Variants in ST6GAL2 observed in about 807,000 individuals in gnomAD.
The protein encoded by ST6GAL2 is ST6 beta-galactoside alpha-2,6-sialyltransferase 2.
Under a neutral mutation model 37.5 loss-of-function variants are expected in ST6GAL2, and 24 were observed. That is an observed-to-expected ratio of 0.64 (90% CI 0.46 to 0.90). ST6GAL2 has a LOEUF of 0.90. ST6GAL2 is among the 40% of genes least tolerant of loss of function. ST6GAL2 has a pLI of 0.00. For synonymous variants in ST6GAL2, 306 were observed against 295.1 expected, an observed-to-expected ratio of 1.04 and a Z score of -0.38; for missense variants, 715 against 712.7, an observed-to-expected ratio of 1.00 and a Z score of -0.04.
At chr2:106,878,337 A>G (rs1678594495) in intron 1 of ST6GAL2, among the ~76,000 whole-genome samples, 1 of 152,080 alleles carries the variant, frequency 6.6e-6, no homozygotes, top group African/African-American at 2.4e-5. Context: ...GGTGGTGCCC[A>G]CCTGTAATCC....
Position 106,844,024 on chromosome 2 carries a change from G to T in ST6GAL2, c.-47C>A. 6.8e-7 allele frequency: 1 copy of T among 1,472,792 alleles called. No individual in the cohort carries two copies. The highest frequency in any genetic ancestry group is 9.1e-7 in the Non-Finnish European group (1 of 1,100,210). 91.2% of individuals were successfully genotyped at this position (1,472,792 alleles called of 1,614,324 possible). A position where few individuals can be genotyped will look rare whatever the true frequency, so the allele number is the denominator to read the frequency against. On this transcript the variant is annotated 5_prime_UTR_variant, in exon 2 of 6. Transcript: ENST00000409382. ...CCTTGTGTCTTAATGCAGATGGGTG[G>T]CAGAATGAACCTGAAAAACAGCCAG...
rs114761661 is a variant in ST6GAL2 at position 106,863,374 on chromosome 2, C to A, written c.-57-19340G>T. Reference sequence around the variant, plus strand: ...TTTGCTTCTTGAGTGTTTTGGAGTTCTGTAGCTAAACAGGATGCTGCAGAA... The same window carrying A: ...TTTGCTTCTTGAGTGTTTTGGAGTTATGTAGCTAAACAGGATGCTGCAGAA... On this transcript the variant is annotated intron_variant, in intron 1 of 5. Coordinates refer to ENST00000409382, the MANE Select transcript of ST6GAL2 (RefSeq NM_001142351.2). Among the ~76,000 whole-genome samples, 1,322 of 152,268 alleles carry A rather than the reference C, an allele frequency of 8.7e-3. 6 individuals carry two copies. Among genetic ancestry groups the A allele is most frequent in the Non-Finnish European group, 0.011 (743 of 68,020 alleles).
At chr2:106,811,445 T>G (rs773121022) in intron 5 of ST6GAL2, among the ~76,000 whole-genome samples, 5 of 152,142 alleles carry the variant, frequency 3.3e-5, no homozygotes, top group Non-Finnish European at 7.4e-5. Flanking sequence ...TAAGTGCTGT[T>G]TGAGGCCTCC....
chr2:106,832,455 A>G (rs777759872), intron 4 of ST6GAL2, 110 bp downstream of exon 4: 20 of 624,304 alleles, frequency 3.2e-5, no homozygotes, highest in Admixed American at 1.5e-4. Flanking sequence ...ATTGATATTG[A>G]TGGGTACTTT....
intron 1 of ST6GAL2, among the ~76,000 whole-genome samples, chr2:106,863,263 A>G (rs1677882004): frequency 6.6e-6 from 1 of 152,182 alleles, no homozygotes; most frequent in African/African-American, 2.4e-5. Flanking sequence ...AAAGGGACCG[A>G]AATACTTAAC....
intron 2 of ST6GAL2, among the ~76,000 whole-genome samples, chr2:106,837,869 A>C (rs1676712122): frequency 6.6e-6 from 1 of 152,206 alleles, no homozygotes; most frequent in African/African-American, 2.4e-5. Context: ...AAGATAACGC[A>C]GTGTAATTCC....
At chr2:106,836,551 G>A (rs1332888795) in intron 2 of ST6GAL2, among the ~76,000 whole-genome samples, 1 of 151,756 alleles carries the variant, frequency 6.6e-6, no homozygotes, top group African/African-American at 2.4e-5. Context: ...AAAACTATCA[G>A]CTAGGCATAG....
intron 2 of ST6GAL2, among the ~76,000 whole-genome samples, chr2:106,841,448 G>A (rs1676880413): frequency 1.3e-5 from 2 of 152,216 alleles, no homozygotes; most frequent in African/African-American, 2.4e-5. Context: ...TGAGGCTGAC[G>A]CTGTATTTGA....
intron 1 of ST6GAL2, among the ~76,000 whole-genome samples, chr2:106,853,008 T>C (rs1011102168): frequency 4.6e-5 from 7 of 152,320 alleles, no homozygotes; most frequent in Non-Finnish European, 8.8e-5. Context: ...TCCCTTCTGG[T>C]TTACTGTCCC....
chr2:106,851,523 C>T (rs1219031604), intron 1 of ST6GAL2, among the ~76,000 whole-genome samples: 1 of 152,200 alleles, frequency 6.6e-6, no homozygotes, highest in Non-Finnish European at 1.5e-5. Flanking sequence ...TACACTGCAG[C>T]TTAAGGTTAA....
chr2:106,879,564 C>T (rs1048902457), intron 1 of ST6GAL2, among the ~76,000 whole-genome samples: 1 of 151,818 alleles, frequency 6.6e-6, no homozygotes, highest in Non-Finnish European at 1.5e-5. Flanking sequence ...TTTAACTACC[C>T]TGTCACTCAG....
chr2:106,850,819 A>G (rs1259941840), intron 1 of ST6GAL2, among the ~76,000 whole-genome samples: 1 of 152,236 alleles, frequency 6.6e-6, no homozygotes, highest in Non-Finnish European at 1.5e-5. Flanking sequence ...CTGAAATATT[A>G]TAATTATACA....
At chr2:106,826,659 G>A (rs1178489929) in intron 5 of ST6GAL2, among the ~76,000 whole-genome samples, 1 of 152,106 alleles carries the variant, frequency 6.6e-6, no homozygotes, top group Non-Finnish European at 1.5e-5. Flanking sequence ...ACCAGGCCCA[G>A]GTGAATTGGG....
Position 106,843,553 on chromosome 2 carries a change from C to T in ST6GAL2, c.425G>A (p.Ser142Asn), listed in dbSNP as rs772211728. The T allele has an allele frequency of 1.9e-6, 3 of 1,614,002 alleles. No individual in the cohort carries two copies. The highest frequency in any genetic ancestry group is 2.5e-6 in the Non-Finnish European group (3 of 1,179,998). Residue 142 changes from serine (S) to asparagine (N), a missense_variant, in exon 2 of 6, where the codon AGC becomes AAC. By Grantham distance (46) the Ser-to-Asn change is conservative. Around this residue, in one of 3 missense-constraint regions of ST6GAL2, gnomAD observed 512 missense variants for 488.8 expected, o/e 1.05. Coordinates refer to ENST00000409382, the MANE Select transcript of ST6GAL2 (RefSeq NM_001142351.2). ...FFAAGQPGWH[S>N]HTQGTLGFPS... ...GAATCCCAATGTCCCCTGAGTGTGG[C>T]TGTGCCACCCTGGCTGACCAGCAGC...
intron 2 of ST6GAL2, among the ~76,000 whole-genome samples, chr2:106,841,614 G>C (rs996139756): frequency 6.6e-6 from 1 of 152,144 alleles, no homozygotes; most frequent in African/African-American, 2.4e-5. Flanking sequence ...GGGAGCAAAG[G>C]GATCTGAAAC....
At chr2:106,810,104 C>T (rs1455261992) in intron 5 of ST6GAL2, among the ~76,000 whole-genome samples, 1 of 152,194 alleles carries the variant, frequency 6.6e-6, no homozygotes, top group Non-Finnish European at 1.5e-5. Context: ...TTGCTATCCT[C>T]TTAGACTCAA....
intron 2 of ST6GAL2, among the ~76,000 whole-genome samples, chr2:106,842,378 T>C (rs958848012): frequency 6.6e-6 from 1 of 152,232 alleles, no homozygotes; most frequent in East Asian, 1.9e-4. Flanking sequence ...TTTACCATCT[T>C]GGAGAAGGTC....
Position 106,830,522 on chromosome 2 carries a change from A to G in ST6GAL2, c.1144-282T>C, listed in dbSNP as rs369129659. ...GCATACTTCTTCCACAAAGGGCCAGATAATCAACACCTTGGGCTTTGCAGG... is the reference window on the plus strand; with the variant it reads ...GCATACTTCTTCCACAAAGGGCCAGGTAATCAACACCTTGGGCTTTGCAGG... On this transcript the variant is annotated intron_variant, in intron 4 of 5. Coordinates refer to ENST00000409382, the MANE Select transcript of ST6GAL2 (RefSeq NM_001142351.2). 1.4e-4 allele frequency among the ~76,000 whole-genome samples: 22 copies of G among 152,336 alleles called. No individual in the cohort carries two copies. The South Asian group carries it at 4.6e-3, about 32-fold the overall frequency.
intron 1 of ST6GAL2, among the ~76,000 whole-genome samples, chr2:106,878,226 G>C (rs2104644890): frequency 6.6e-6 from 1 of 152,386 alleles, no homozygotes; most frequent in African/African-American, 2.4e-5. Context: ...CACTTTGGGG[G>C]TTGAGGCGGG....
Sources: allele counts gnomAD v4.1 joint callset (sites outside exome capture counted in the v4.1 genomes callset), GRCh38; gene constraint gnomAD v4.1.1; regional missense constraint gnomAD v4.1.1; transcripts MANE v1.5; gene names NCBI Gene and HGNC (gene_info 2026-07-23, HGNC 2026-07-21).